MED1: variants seen among roughly 807,000 people sequenced by gnomAD.
MED1 encodes the protein mediator of RNA polymerase II transcription subunit 1.
A neutral mutation model predicts 121.3 loss-of-function variants in MED1; 17 were observed. The ratio of observed to expected loss-of-function variants is 0.14; its 90% CI spans 0.10 to 0.21. MED1 has a LOEUF of 0.21. MED1 is among the 10% of genes least tolerant of loss of function. The pLI is 1.00. For synonymous variants in MED1, 661 were observed against 694.4 expected, an observed-to-expected ratio of 0.95 and a Z score of 0.76; for missense variants, 1,558 against 1,919.4, an observed-to-expected ratio of 0.81 and a Z score of 3.52.
intron 13 of MED1, among the ~76,000 whole-genome samples, chr17:39,420,251 G>A (rs2048449183): frequency 6.8e-6 from 1 of 147,098 alleles, no homozygotes; most frequent in East Asian, 2.0e-4. Flanking sequence ...CCAGGCTGGA[G>A]TGCAGTGGTG....
At chr17:39,411,996 G>T (rs1270061087) in intron 16 of MED1, among the ~76,000 whole-genome samples, 1 of 131,200 alleles carries the variant, frequency 7.6e-6, no homozygotes, top group Admixed American at 8.3e-5. Context: ...GACAGTACAA[G>T]ACTCCATCTC....
Position 39,440,028 on chromosome 17 carries a change from A to G in MED1, c.399+358T>C, listed in dbSNP as rs1049508582. 3.4e-4 allele frequency among the ~76,000 whole-genome samples: 51 copies of G among 149,904 alleles called. No individual in the cohort carries two copies. Among genetic ancestry groups the G allele is most frequent in the Non-Finnish European group, 7.4e-5 (5 of 67,442 alleles). ...AAGGAAGGAAGGAAGGAAAGAAAGAAAGAAAGAGAGAAAGAGAAAGAAAGA... is the reference window on the plus strand; with the variant it reads ...AAGGAAGGAAGGAAGGAAAGAAAGAGAGAAAGAGAGAAAGAGAAAGAAAGA... On this transcript the variant is annotated intron_variant, in intron 5 of 16. Coordinates refer to ENST00000300651, the MANE Select transcript of MED1 (RefSeq NM_004774.4). The surrounding 1 kb of genome is among the most constrained non-coding windows in gnomAD (Gnocchi z 4.1).
Position 39,434,234 on chromosome 17 carries a change from A to G in MED1, c.500+15T>C, listed in dbSNP as rs761522156. 9.9e-6 allele frequency: 15 copies of G among 1,509,856 alleles called. No individual in the cohort carries two copies. 93.5% of individuals were successfully genotyped at this position (1,509,856 alleles called of 1,614,324 possible). A position where few individuals can be genotyped will look rare whatever the true frequency, so the allele number is the denominator to read the frequency against. On this transcript the variant is annotated intron_variant, in intron 7 of 16. Transcript: ENST00000300651. ...GATTTTTACAAACAAAAGCAAAAATATTAAAAATACTTACTTGTCCCCTGG... is the reference window on the plus strand; with the variant it reads ...GATTTTTACAAACAAAAGCAAAAATGTTAAAAATACTTACTTGTCCCCTGG...
At chr17:39,417,324 C>T (rs558303433) in intron 14 of MED1, among the ~76,000 whole-genome samples, 26 of 141,136 alleles carry the variant, frequency 1.8e-4, no homozygotes, top group African/African-American at 5.2e-4. Context: ...AGCAAGACTC[C>T]GTCTCAAAAA....
At chr17:39,423,593 A>G in intron 12 of MED1, 104 bp downstream of exon 12, 1 of 1,514,282 alleles carries the variant, frequency 6.6e-7, no homozygotes, top group Non-Finnish European at 9.1e-7. Flanking sequence ...TACCAGTAAT[A>G]CTTCAATGAG....
At position 39,408,689 on chromosome 17, in the gene MED1, G is replaced by T. The variant is rs1197029100; in HGVS notation, c.3532C>A (p.Pro1178Thr). The T allele has an allele frequency of 6.2e-7, 1 of 1,614,192 alleles. No homozygotes were observed. Among genetic ancestry groups the T allele is most frequent in the African/African-American group, 1.3e-5 (1 of 75,042 alleles). ...SSTKMKPQGKPSSLMNPSLSK... is the reference protein window; with the variant it reads ...SSTKMKPQGKTSSLMNPSLSK... ...AAAGAAGGATTCATAAGTGATGATG[G>T]CTTTCCTTGAGGTTTCATCTTGGTG... The change falls in exon 17 of 17, where the codon CCA becomes ACA. Residue 1178 changes from proline (P) to threonine (T), a missense_variant. Coordinates refer to ENST00000300651, the MANE Select transcript of MED1 (RefSeq NM_004774.4). The surrounding 1 kb of genome is among the most constrained non-coding windows in gnomAD (Gnocchi z 4.7).
intron 9 of MED1, among the ~76,000 whole-genome samples, chr17:39,428,802 A>C (rs1488142036): frequency 6.6e-6 from 1 of 151,858 alleles, no homozygotes; most frequent in Admixed American, 6.6e-5. Context: ...AATACAAAAA[A>C]TTAGCCAGGC....
Position 39,440,284 on chromosome 17 carries a change from G to A in MED1, c.399+102C>T, listed in dbSNP as rs2144765308. ...CACATCATCTCTACAGTGGCTCATG[G>A]AAAAACCTAAACCCAAGCTATTTAA... On this transcript the variant is annotated intron_variant, in intron 5 of 16. Coordinates refer to ENST00000300651, the MANE Select transcript of MED1 (RefSeq NM_004774.4). This position sits in a 1 kb window ranked among gnomAD's most constrained non-coding sequence, Gnocchi z 4.1. The A allele has an allele frequency of 7.8e-7, 1 of 1,277,464 alleles. No homozygotes were observed. The highest frequency in any genetic ancestry group is 1.1e-6 in the Non-Finnish European group (1 of 946,580). 79.1% of individuals were successfully genotyped at this position (1,277,464 alleles called of 1,614,324 possible).
chr17:39,407,644 T>C lies in MED1; in HGVS notation c.4577A>G (p.His1526Arg). The C allele has an allele frequency of 6.2e-7, 1 of 1,614,218 alleles. No homozygotes were observed. The highest frequency in any genetic ancestry group is 8.5e-7 in the Non-Finnish European group (1 of 1,180,032). The change falls in exon 17 of 17, where the codon CAT becomes CGT. Residue 1526 changes from histidine (H) to arginine (R), a missense_variant. Physicochemically the swap from His to Arg is conservative, Grantham distance 29. Transcript: ENST00000300651. ...GGACCAACTCTCTGGCTTGATGCTA[T>C]GAGATTTTTTCTTGTCTCGGTCTTT... is the stretch of plus-strand genomic sequence containing the variant. ...RDKDRDKKKS[H>R]SIKPESWSKS...
chr17:39,422,570 G>A (rs530584775), intron 13 of MED1, among the ~76,000 whole-genome samples: 6 of 135,458 alleles, frequency 4.4e-5, no homozygotes, highest in East Asian at 2.5e-4. Context: ...TCTGCCTCCC[G>A]GGTTAAGTGA....
At chr17:39,447,401 A>AC (rs2048738880) in intron 2 of MED1, among the ~76,000 whole-genome samples, 1 of 151,692 alleles carries the variant, frequency 6.6e-6, no homozygotes, top group Non-Finnish European at 1.5e-5. Context: ...CAATAAAAAA[A>AC]AAAAACAAAA....
In MED1 at chr17:39,408,091, T is replaced by G; in HGVS notation, c.4130A>C (p.Lys1377Thr). ...TSGSSVDSSKKTSESKNVGST... is the reference protein window; with the variant it reads ...TSGSSVDSSKTTSESKNVGST... ...CCCCACATTTTTTGACTCTGAGGTC[T>G]TCTTAGAAGAATCCACTGAACTCCC... The change falls in exon 17 of 17, where the codon AAG (lysine) becomes ACG (threonine). Residue 1377 changes from lysine (K) to threonine (T), a missense_variant. Lys to Thr is a moderately conservative substitution (Grantham distance 78, BLOSUM62 -1). Coordinates refer to ENST00000300651, the MANE Select transcript of MED1 (RefSeq NM_004774.4). The surrounding 1 kb of genome is among the most constrained non-coding windows in gnomAD (Gnocchi z 4.7). The G allele has an allele frequency of 1.9e-6, 3 of 1,614,192 alleles. No individual in the cohort carries two copies. Among genetic ancestry groups the G allele is most frequent in the South Asian group, 1.1e-5 (1 of 91,086 alleles).
Position 39,409,338 on chromosome 17 carries a change from C to T in MED1, c.2883G>A (p.Gly961=), listed in dbSNP as rs771465720. The T allele has an allele frequency of 6.2e-6, 10 of 1,613,982 alleles. No homozygotes were observed. The South Asian group carries it at 1.1e-4, about 18-fold the overall frequency. ...SGSQGPLLTT[G]DLGKEKTQKR... is the part of the protein sequence containing the mutation. ...TTTGAGTCTTTTCTTTCCCTAAGTC[C>T]CCAGTGGTCAGTAAAGGACCCTGAC... is the stretch of plus-strand genomic sequence containing the variant. Residue 961 remains glycine (G), a synonymous_variant, in exon 17 of 17, where the codon GGG becomes GGA. Transcript: ENST00000300651.
At chr17:39,426,187 C>T (rs1302873463) in intron 10 of MED1, among the ~76,000 whole-genome samples, 1 of 152,166 alleles carries the variant, frequency 6.6e-6, no homozygotes, top group African/African-American at 2.4e-5. Flanking sequence ...AGGCTCGCAC[C>T]TGTAATCCTA....
Position 39,405,256 on chromosome 17 carries a change from C to A in MED1, c.*2219G>T. 1 of 1,600,752 alleles carries A rather than the reference C, an allele frequency of 6.2e-7. No homozygotes were observed. The highest frequency in any genetic ancestry group is 8.5e-7 in the Non-Finnish European group (1 of 1,174,074). On this transcript the variant is annotated 3_prime_UTR_variant, in exon 17 of 17. Coordinates refer to ENST00000300651, the MANE Select transcript of MED1 (RefSeq NM_004774.4). ...TGGGTCAGTGTGGGGGTGAGCCCAT[C>A]GACAATTCAGGGGCTTATCCTTCAT...
In MED1 at chr17:39,407,680, C is replaced by T; in HGVS notation, c.4541G>A (p.Arg1514Gln). The change falls in exon 17 of 17, where the codon CGA becomes CAA. Residue 1514 changes from arginine (R) to glutamine (Q), a missense_variant. Physicochemically the swap from Arg to Gln is conservative, Grantham distance 43. Coordinates refer to ENST00000300651, the MANE Select transcript of MED1 (RefSeq NM_004774.4). ...KKKVKDKDRDRDRDKDRDKKK... is the reference protein window; with the variant it reads ...KKKVKDKDRDQDRDKDRDKKK... ...CTTGTCTCGGTCTTTGTCCCGGTCT[C>T]GGTCCCTATCTTTGTCTTTTACTTT... is the stretch of plus-strand genomic sequence containing the variant. 3 of 1,614,006 alleles carry T rather than the reference C, an allele frequency of 1.9e-6. No individual in the cohort carries two copies. Among genetic ancestry groups the T allele is most frequent in the South Asian group, 1.1e-5 (1 of 91,072 alleles).
chr17:39,435,631 T>C (rs902941400), intron 6 of MED1, among the ~76,000 whole-genome samples: 3 of 152,162 alleles, frequency 2.0e-5, no homozygotes, highest in African/African-American at 7.2e-5. Context: ...AAATATATTC[T>C]TTAACTTAAT....
chr17:39,448,125 A>G (rs536741679), intron 1 of MED1, among the ~76,000 whole-genome samples: 183 of 150,988 alleles, frequency 1.2e-3, no homozygotes, highest in Non-Finnish European at 1.2e-3. Context: ...CTGGACTGTT[A>G]TCTATCCACC....
Position 39,419,856 on chromosome 17 carries a change from T to C in MED1, c.1158A>G (p.Arg386=). ...LNKDAPLPDG[R]SLQGTLVSKI... Reference sequence around the variant, plus strand: ...TGCTAACAAGGGTTCCCTGTAGACTTCGGCCATCTGGAAGAGGAGCATCCT... The same window carrying C: ...TGCTAACAAGGGTTCCCTGTAGACTCCGGCCATCTGGAAGAGGAGCATCCT... The change falls in exon 14 of 17, where the codon CGA becomes CGG. Residue 386 remains arginine, a synonymous_variant. Transcript: ENST00000300651. The C allele has an allele frequency of 6.2e-7, 1 of 1,614,102 alleles. No individual in the cohort carries two copies. Among genetic ancestry groups the C allele is most frequent in the Non-Finnish European group, 8.5e-7 (1 of 1,179,996 alleles).
Sources: allele counts gnomAD v4.1 joint callset (sites outside exome capture counted in the v4.1 genomes callset), GRCh38; gene constraint gnomAD v4.1.1; non-coding constraint Gnocchi (gnomAD v3.1); transcripts MANE v1.5; gene names NCBI Gene and HGNC (gene_info 2026-07-23, HGNC 2026-07-21).